Variants in PAK1 observed in about 807,000 individuals in gnomAD.
The protein encoded by PAK1 is serine/threonine-protein kinase PAK 1.
In PAK1, 29 loss-of-function variants were observed where a neutral mutation model predicts 67.4. The observed-to-expected ratio is 0.43, with a 90% confidence interval of 0.32 to 0.59. The LOEUF is 0.59. Ranked by LOEUF, PAK1 falls within the 20% of genes least tolerant of loss-of-function variation. The probability of loss-of-function intolerance (pLI) is 0.07; values close to 1 mark genes in which losing one functional copy is unlikely to be tolerated. For missense variants in PAK1, 337 were observed against 670.7 expected, an observed-to-expected ratio of 0.50 and a Z score of 5.50; for synonymous variants, 223 against 237.4, an observed-to-expected ratio of 0.94 and a Z score of 0.56.
chr11:77,444,390 C>T (rs1956502449), intron 1 of PAK1, among the ~76,000 whole-genome samples: 1 of 151,780 alleles, frequency 6.6e-6, no homozygotes, highest in Admixed American at 6.6e-5. Context: ...CATCAGGAAG[C>T]TTATATTTTT....
chr11:77,414,567 T>A (rs946185747), intron 1 of PAK1, among the ~76,000 whole-genome samples: 3 of 152,198 alleles, frequency 2.0e-5, no homozygotes, highest in Non-Finnish European at 4.4e-5. Flanking sequence ...ATCAGTGGAA[T>A]TGAAGTAAAT....
intron 5 of PAK1, among the ~76,000 whole-genome samples, chr11:77,364,731 G>A (rs1947270581): frequency 6.6e-6 from 1 of 152,060 alleles, no homozygotes; most frequent in Non-Finnish European, 1.5e-5. Context: ...CCCAAATGTT[G>A]GCTTTAGAGA....
Position 77,351,526 on chromosome 11 carries a change from T to C in PAK1, c.836+2010A>G, listed in dbSNP as rs1038210766. ...TCTGAGGTAAGCAAAATAATTTTTT[T>C]CTCAAGGTGTTAAATACCTTACACC... On this transcript the variant is annotated intron_variant, in intron 8 of 14. Transcript: ENST00000356341. 3.3e-5 allele frequency among the ~76,000 whole-genome samples: 5 copies of C among 152,248 alleles called. No individual in the cohort carries two copies. In the South Asian group the frequency reaches 8.3e-4, roughly 25 times the overall value.
chr11:77,482,035 C>A, the PAK1 span, among the ~76,000 whole-genome samples: 1 of 151,984 alleles, frequency 6.6e-6, no homozygotes, highest in Non-Finnish European at 1.5e-5. Flanking sequence ...GTTGCCCAGG[C>A]TGGAGTGTAG....
chr11:77,447,713 C>T (rs376598841), intron 1 of PAK1, among the ~76,000 whole-genome samples: 4 of 151,802 alleles, frequency 2.6e-5, no homozygotes, highest in Non-Finnish European at 4.4e-5. Flanking sequence ...TTAGTAGAGA[C>T]GGGGGTTTCA....
chr11:77,482,596 TC>T, the PAK1 span, among the ~76,000 whole-genome samples: 18 of 136,176 alleles, frequency 1.3e-4, no homozygotes, highest in African/African-American at 4.8e-4. Context: ...ACTCTTTTTT[TC>T]TTTTTTTTTT....
chr11:77,475,689 T>C (rs1432775689), upstream of PAK1: 1 of 152,242 alleles, frequency 6.6e-6, no homozygotes, highest in African/African-American at 2.4e-5. Flanking sequence ...TTCATATTCA[T>C]TTGACTAATA....
At chr11:77,406,514 T>C (rs533969826) in intron 1 of PAK1, among the ~76,000 whole-genome samples, 1 of 152,314 alleles carries the variant, frequency 6.6e-6, no homozygotes, top group African/African-American at 2.4e-5. Flanking sequence ...CAGTGGCTCA[T>C]GCCTGTAATC....
rs55939840 is a variant in PAK1 at position 77,336,191 on chromosome 11, C to G, written c.1308G>C (p.Val436=). 6.2e-7 allele frequency: 1 copy of G among 1,613,874 alleles called. No individual in the cohort carries two copies. The highest frequency in any genetic ancestry group is 2.2e-5 in the East Asian group (1 of 44,898). The change falls in exon 13 of 15, where the codon GTG becomes GTC. Residue 436 remains valine, a synonymous_variant. Transcript: ENST00000356341. ...CCTTGGGCCCATAGGCCTTTCGTGT[C>G]ACAACCTCTGGTGCCATCCAGTATG... ...GTPYWMAPEV[V]TRKAYGPKVD...
At chr11:77,451,745 G>A (rs3019234) in intron 1 of PAK1, among the ~76,000 whole-genome samples, 36,376 of 149,366 alleles carry the variant, frequency 0.24, 5,270 homozygotes, top group Non-Finnish European at 0.31. Flanking sequence ...GACTACAGGC[G>A]CCACCACCAC....
At chr11:77,457,253 G>A (rs571781396) in intron 1 of PAK1, among the ~76,000 whole-genome samples, 7 of 152,232 alleles carry the variant, frequency 4.6e-5, no homozygotes, top group African/African-American at 1.7e-4. Context: ...GTGAGGTTTG[G>A]AATTATTAAT....
intron 1 of PAK1, among the ~76,000 whole-genome samples, chr11:77,468,454 G>A (rs956768063): frequency 2.6e-5 from 4 of 152,140 alleles, no homozygotes; most frequent in African/African-American, 9.7e-5. Context: ...AGATATTCAT[G>A]AAAGAAAAGG....
chr11:77,365,270 A>AAAAAAAAAAAAAAAAG (rs1947375922), intron 5 of PAK1, among the ~76,000 whole-genome samples: 3 of 109,476 alleles, frequency 2.7e-5, no homozygotes, highest in African/African-American at 1.0e-4. Context: ...AAAAAAAAAG[A>AAAAAAAAAAAAAAAAG]AAAAAGAAAA....
At chr11:77,437,059 C>G (rs1351658096) in intron 1 of PAK1, among the ~76,000 whole-genome samples, 1 of 152,138 alleles carries the variant, frequency 6.6e-6, no homozygotes, top group Non-Finnish European at 1.5e-5. Flanking sequence ...CGTCTGGAAA[C>G]TAAAACAATG....
At chr11:77,484,696 A>G in the PAK1 span, among the ~76,000 whole-genome samples, 1 of 152,174 alleles carries the variant, frequency 6.6e-6, no homozygotes, top group Non-Finnish European at 1.5e-5. Context: ...TGTGGGTGTC[A>G]AGAGGAGTTG....
chr11:77,447,436 C>T (rs1463685349), intron 1 of PAK1, among the ~76,000 whole-genome samples: 1 of 152,202 alleles, frequency 6.6e-6, no homozygotes, highest in Non-Finnish European at 1.5e-5. Flanking sequence ...ATCTATCTTG[C>T]CCGTGGTAGT....
intron 1 of PAK1, among the ~76,000 whole-genome samples, chr11:77,461,917 G>C (rs1957363964): frequency 6.6e-6 from 1 of 152,138 alleles, no homozygotes; most frequent in Non-Finnish European, 1.5e-5. Flanking sequence ...AAGACAAATA[G>C]GCCTTCAAGG....
chr11:77,443,297 C>A (rs1314914564), intron 1 of PAK1, among the ~76,000 whole-genome samples: 2 of 144,354 alleles, frequency 1.4e-5, no homozygotes, highest in Non-Finnish European at 3.0e-5. Flanking sequence ...GAGTGAGACT[C>A]CGTCTCTTAA....
At chr11:77,519,966 C>G in the PAK1 span, among the ~76,000 whole-genome samples, 1 of 152,176 alleles carries the variant, frequency 6.6e-6, no homozygotes. Flanking sequence ...GGCCACCACA[C>G]AGGAATTGGA....
Sources: gnomAD v4.1 joint callset for allele counts (sites outside exome capture counted in the v4.1 genomes callset) on GRCh38, gnomAD v4.1.1 for gene constraint, MANE v1.5 for transcripts, NCBI Gene and HGNC (gene_info 2026-07-23, HGNC 2026-07-21) for gene names.